The following CDH12 variants were observed in gnomAD, a reference collection of about 807,000 sequenced individuals.
The protein encoded by CDH12 is cadherin-12.
A neutral mutation model predicts 74.1 loss-of-function variants in CDH12; 41 were observed. That is an observed-to-expected ratio of 0.55 (90% confidence interval 0.43 to 0.72). The LOEUF is 0.72. CDH12 is among the 30% of genes least tolerant of loss of function. The probability of loss-of-function intolerance (pLI) is 0.00; values close to 1 mark genes in which losing one functional copy is unlikely to be tolerated. For missense variants in CDH12, 945 were observed against 977.2 expected (o/e 0.97, Z 0.44); for synonymous variants, 399 against 355.0 (o/e 1.12, Z -1.39).
chr5:22,420,708 G>A (rs531067039), intron 2 of CDH12, among the ~76,000 whole-genome samples: 1 of 152,096 alleles, frequency 6.6e-6, no homozygotes, highest in Non-Finnish European at 1.5e-5. Flanking sequence ...TTTTAAAGTA[G>A]TTTTTTATAA....
chr5:21,792,811 C>T (rs1424534589), intron 10 of CDH12, among the ~76,000 whole-genome samples: 1 of 151,660 alleles, frequency 6.6e-6, no homozygotes, highest in African/African-American at 2.4e-5. Context: ...TCTGCGGACA[C>T]CTTGAAGCAG....
intron 3 of CDH12, among the ~76,000 whole-genome samples, chr5:22,402,951 T>C (rs1409449270): frequency 6.6e-6 from 1 of 151,968 alleles, no homozygotes; most frequent in Non-Finnish European, 1.5e-5. Context: ...GAAAAAGACA[T>C]GTGATGGAAA....
intron 1 of CDH12, among the ~76,000 whole-genome samples, chr5:22,643,670 A>G (rs1378498716): frequency 6.6e-6 from 1 of 151,442 alleles, no homozygotes; most frequent in African/African-American, 2.4e-5. Flanking sequence ...AATAGCTTAC[A>G]TAAACTTGTA....
At chr5:21,930,890 G>T (rs1404557275) in intron 6 of CDH12, among the ~76,000 whole-genome samples, 1 of 152,116 alleles carries the variant, frequency 6.6e-6, no homozygotes, top group African/African-American at 2.4e-5. Flanking sequence ...CAAATGAGCT[G>T]TATTTAGTAT....
At chr5:22,008,220 C>A (rs1453732601) in intron 5 of CDH12, among the ~76,000 whole-genome samples, 2 of 151,904 alleles carry the variant, frequency 1.3e-5, no homozygotes, top group Admixed American at 6.6e-5. Flanking sequence ...ATTCTGCTCA[C>A]ATGAACTATA....
chr5:21,759,794 C>G (rs1744613387), intron 13 of CDH12, among the ~76,000 whole-genome samples: 1 of 151,900 alleles, frequency 6.6e-6, no homozygotes, highest in Non-Finnish European at 1.5e-5. Flanking sequence ...GGTCTTAAGC[C>G]CAATACCCAA....
intron 3 of CDH12, among the ~76,000 whole-genome samples, chr5:22,308,122 T>C (rs1421318572): frequency 6.6e-6 from 1 of 151,994 alleles, no homozygotes; most frequent in Non-Finnish European, 1.5e-5. Flanking sequence ...CCTCGTGATC[T>C]GCCCACCTCG....
chr5:22,518,847 CAA>C (rs549496948), intron 1 of CDH12, among the ~76,000 whole-genome samples: 42 of 152,038 alleles, frequency 2.8e-4, no homozygotes, highest in Non-Finnish European at 5.7e-4. Flanking sequence ...TGATTGGAAA[CAA>C]GAGAGAAAGT....
intron 1 of CDH12, among the ~76,000 whole-genome samples, chr5:22,679,287 T>G (rs1001500917): frequency 4.6e-5 from 7 of 152,146 alleles, no homozygotes; most frequent in Admixed American, 4.6e-4. Context: ...ATGTGTTCAT[T>G]CCTAACCTGA....
intron 1 of CDH12, among the ~76,000 whole-genome samples, chr5:22,721,754 G>C (rs1270935589): frequency 6.6e-6 from 1 of 152,130 alleles, no homozygotes; most frequent in East Asian, 1.9e-4. Context: ...TTGGATCATG[G>C]GGGCAGCTTT....
intron 4 of CDH12, among the ~76,000 whole-genome samples, chr5:22,101,325 G>C (rs1258003251): frequency 6.6e-6 from 1 of 151,826 alleles, no homozygotes; most frequent in Non-Finnish European, 1.5e-5. Flanking sequence ...GTGTACTCCC[G>C]GTATGTATGT....
chr5:22,463,607 C>T (rs2551488), intron 2 of CDH12, among the ~76,000 whole-genome samples: 1 of 151,520 alleles, frequency 6.6e-6, no homozygotes, highest in African/African-American at 2.4e-5. Flanking sequence ...AAGTTGGGGT[C>T]GGAAATGTAG....
chr5:22,073,456 T>C (rs576875452), intron 5 of CDH12, among the ~76,000 whole-genome samples: 1 of 152,320 alleles, frequency 6.6e-6, no homozygotes, highest in African/African-American at 2.4e-5. Flanking sequence ...TGTTGGTGTG[T>C]GTATGCACAC....
intron 1 of CDH12, among the ~76,000 whole-genome samples, chr5:22,849,000 A>G (rs187837262): frequency 7.0e-6 from 1 of 142,828 alleles, no homozygotes; most frequent in African/African-American, 2.5e-5. Flanking sequence ...TTTTTTTTTT[A>G]GACAAGTCAC....
intron 6 of CDH12, among the ~76,000 whole-genome samples, chr5:21,959,374 A>T (rs2150108604): frequency 6.6e-6 from 1 of 152,044 alleles, no homozygotes; most frequent in Non-Finnish European, 1.5e-5. Context: ...CACATATCAA[A>T]TACTAACCTT....
At chr5:22,359,970 A>G (rs1740728488) in intron 3 of CDH12, among the ~76,000 whole-genome samples, 1 of 152,206 alleles carries the variant, frequency 6.6e-6, no homozygotes. Flanking sequence ...TGCCCACAAA[A>G]GAAAGCAGGA....
chr5:22,614,273 C>A (rs566479790), intron 1 of CDH12, among the ~76,000 whole-genome samples: 1 of 152,136 alleles, frequency 6.6e-6, no homozygotes, highest in Non-Finnish European at 1.5e-5. Context: ...GAAGTGATGG[C>A]TAAATGGGAA....
intron 5 of CDH12, among the ~76,000 whole-genome samples, chr5:22,008,853 C>T (rs549930857): frequency 2.6e-5 from 4 of 152,200 alleles, no homozygotes; most frequent in Admixed American, 2.6e-4. Context: ...GAAGGAGAGC[C>T]CATGGAGAAG....
At chr5:22,538,378 C>G (rs897529389) in intron 1 of CDH12, among the ~76,000 whole-genome samples, 2 of 152,172 alleles carry the variant, frequency 1.3e-5, no homozygotes, top group African/African-American at 4.8e-5. Context: ...CCAACCTCCC[C>G]AAACATTCCT....
Sources: gnomAD v4.1 joint callset for allele counts (sites outside exome capture counted in the v4.1 genomes callset) on GRCh38, gnomAD v4.1.1 for gene constraint, MANE v1.5 for transcripts, NCBI Gene and HGNC (gene_info 2026-07-23, HGNC 2026-07-21) for gene names.